The following DOCK3 variants were observed in gnomAD, a reference collection of about 807,000 sequenced individuals.
DOCK3 encodes the protein dedicator of cytokinesis 3, also known as dedicator of cytokinesis protein 3.
Under a neutral mutation model 265.6 loss-of-function variants are expected in DOCK3, and 60 were observed. That is an observed-to-expected ratio of 0.23 (90% confidence interval 0.18 to 0.28). The LOEUF is 0.28. Among genes scored for constraint, DOCK3 ranks in the 10% least tolerant of loss-of-function variants. DOCK3 has a pLI of 1.00. For synonymous variants in DOCK3, 881 were observed against 938.0 expected (o/e 0.94, Z 1.11); for missense variants, 1,981 against 2,594.3 (o/e 0.76, Z 5.14).
intron 12 of DOCK3, among the ~76,000 whole-genome samples, chr3:51,205,386 A>G (rs1006340381): frequency 2.0e-5 from 3 of 152,006 alleles, no homozygotes; most frequent in Non-Finnish European, 4.4e-5. Context: ...AGGACTAAAG[A>G]GAATAATTTT....
chr3:51,304,666 G>A (rs1202455465), intron 27 of DOCK3, among the ~76,000 whole-genome samples: 1 of 152,230 alleles, frequency 6.6e-6, no homozygotes, highest in Non-Finnish European at 1.5e-5. Context: ...TGGTTTCCCA[G>A]TCTGGGTAGC....
At chr3:50,848,989 TA>T (rs1329964609) in intron 3 of DOCK3, among the ~76,000 whole-genome samples, 1 of 152,196 alleles carries the variant, frequency 6.6e-6, no homozygotes, top group African/African-American at 2.4e-5. Context: ...TGTTCATTTT[TA>T]AAAAGTTCTT....
At chr3:51,320,748 G>A (rs1338811115) in intron 32 of DOCK3, among the ~76,000 whole-genome samples, 1 of 152,188 alleles carries the variant, frequency 6.6e-6, no homozygotes, top group Non-Finnish European at 1.5e-5. Context: ...AGCTCAGCAA[G>A]GCTGCTGCGG....
chr3:51,215,108 T>C (rs1468068329), intron 14 of DOCK3, among the ~76,000 whole-genome samples: 5 of 152,114 alleles, frequency 3.3e-5, no homozygotes, highest in Non-Finnish European at 7.4e-5. Flanking sequence ...ACCCTCTCAG[T>C]TGAGTTTTTT....
chr3:51,019,170 CT>C (rs2079483974), intron 5 of DOCK3, among the ~76,000 whole-genome samples: 1 of 151,758 alleles, frequency 6.6e-6, no homozygotes, highest in South Asian at 2.1e-4. Context: ...ATACCTAGCG[CT>C]TTTTATGTTG....
At chr3:51,336,726 C>A in intron 35 of DOCK3, 1 of 374,876 alleles carries the variant, frequency 2.7e-6, no homozygotes, top group South Asian at 2.0e-5. Context: ...TCATAGAGCA[C>A]AGAAGTGTGT....
intron 1 of DOCK3, among the ~76,000 whole-genome samples, chr3:50,775,287 C>T (rs1489147789): frequency 6.6e-6 from 1 of 151,900 alleles, no homozygotes; most frequent in Non-Finnish European, 1.5e-5. Flanking sequence ...TACAGATTAA[C>T]TTTTCTTTAA....
At chr3:51,260,659 A>G (rs2079802824) in intron 23 of DOCK3, among the ~76,000 whole-genome samples, 1 of 152,182 alleles carries the variant, frequency 6.6e-6, no homozygotes, top group African/African-American at 2.4e-5. Context: ...TTGAGAATGT[A>G]TGGGGAATTT....
At chr3:50,699,473 G>A (rs1376122105) in intron 1 of DOCK3, among the ~76,000 whole-genome samples, 2 of 133,560 alleles carry the variant, frequency 1.5e-5, no homozygotes, top group Admixed American at 1.6e-4. Context: ...TTTTTTTTGA[G>A]ATGGATTCTT....
intron 3 of DOCK3, among the ~76,000 whole-genome samples, chr3:50,869,932 A>G (rs993836515): frequency 6.6e-6 from 1 of 152,132 alleles, no homozygotes; most frequent in African/African-American, 2.4e-5. Context: ...TATAGTTTCA[A>G]CAAGTCTTTT....
intron 2 of DOCK3, among the ~76,000 whole-genome samples, chr3:50,840,049 G>A (rs1392656365): frequency 1.3e-5 from 2 of 151,938 alleles, no homozygotes; most frequent in East Asian, 1.9e-4. Context: ...TTACAGGTGT[G>A]AGCCACTGTG....
chr3:50,852,898 A>G (rs1157687175), intron 3 of DOCK3, among the ~76,000 whole-genome samples: 1 of 152,190 alleles, frequency 6.6e-6, no homozygotes, highest in Non-Finnish European at 1.5e-5. Flanking sequence ...TTCTTTTTAA[A>G]AAAATTGATA....
chr3:51,136,646 T>C (rs560003713), intron 9 of DOCK3, among the ~76,000 whole-genome samples: 1 of 152,346 alleles, frequency 6.6e-6, no homozygotes, highest in African/African-American at 2.4e-5. Context: ...ATTTCATTTC[T>C]ATAGCCTCAG....
intron 1 of DOCK3, among the ~76,000 whole-genome samples, chr3:50,691,552 C>G (rs1449947830): frequency 1.3e-5 from 2 of 152,142 alleles, no homozygotes; most frequent in Non-Finnish European, 2.9e-5. Flanking sequence ...GTTAAGCTCC[C>G]TGTTTTCTAT....
chr3:51,330,269 A>G, intron 33 of DOCK3, 46 bp downstream of exon 33: 1 of 1,541,980 alleles, frequency 6.5e-7, no homozygotes. Flanking sequence ...GGATGGGATG[A>G]AGTGGGCCAA....
At chr3:50,932,499 A>G (rs2051124144) in intron 4 of DOCK3, among the ~76,000 whole-genome samples, 1 of 152,142 alleles carries the variant, frequency 6.6e-6, no homozygotes, top group South Asian at 2.1e-4. Context: ...ATTGACCCTC[A>G]ACATTGGTGT....
At chr3:51,266,045 G>T (rs1327766508) in intron 23 of DOCK3, among the ~76,000 whole-genome samples, 1 of 152,116 alleles carries the variant, frequency 6.6e-6, no homozygotes, top group Non-Finnish European at 1.5e-5. Context: ...TAGACAAACA[G>T]AGAGCCAAAT....
chr3:51,135,215 C>T (rs2084739988), intron 9 of DOCK3, among the ~76,000 whole-genome samples: 2 of 152,158 alleles, frequency 1.3e-5, no homozygotes, highest in Admixed American at 1.3e-4. Context: ...GTTGATATAA[C>T]CACATCCAGT....
At chr3:51,041,675 A>G (rs2080538995) in intron 5 of DOCK3, among the ~76,000 whole-genome samples, 1 of 152,168 alleles carries the variant, frequency 6.6e-6, no homozygotes, top group Non-Finnish European at 1.5e-5. Context: ...AAAGAGCAGT[A>G]ATATTTTGAA....
Sources: gnomAD v4.1 joint callset for allele counts (sites outside exome capture counted in the v4.1 genomes callset) on GRCh38, gnomAD v4.1.1 for gene constraint, MANE v1.5 for transcripts, NCBI Gene and HGNC (gene_info 2026-07-23, HGNC 2026-07-21) for gene names.